CADM2: variants seen among roughly 807,000 people sequenced by gnomAD.
CADM2 encodes immunoglobulin superfamily member 4D.
A neutral mutation model predicts 49.8 loss-of-function variants in CADM2; 12 were observed. The observed-to-expected ratio is 0.24, with a 90% CI of 0.15 to 0.39. CADM2 has a LOEUF of 0.39. Among genes scored for constraint, CADM2 ranks in the 10% least tolerant of loss-of-function variants. CADM2 has a pLI of 1.00. For synonymous variants in CADM2, 214 were observed against 175.4 expected (o/e 1.22, Z -1.74); for missense variants, 378 against 492.3 (o/e 0.77, Z 2.20).
In CADM2 at chr3:85,780,465, A is replaced by T. The variant is rs184943131; in HGVS notation, c.89-21582A>T. 6.6e-4 allele frequency among the ~76,000 whole-genome samples: 101 copies of T among 152,332 alleles called. No individual in the cohort carries two copies. In the East Asian group the frequency reaches 7.9e-3, roughly 12 times the overall value. ...ATTGATACTAACTTATATGTCATAA[A>T]CAATAAAACAAGAAAAAGATTTAAA... On this transcript the variant is annotated intron_variant, in intron 2 of 9. Coordinates refer to ENST00000383699, the MANE Select transcript of CADM2 (RefSeq NM_001167675.2).
intron 1 of CADM2, among the ~76,000 whole-genome samples, chr3:85,354,627 A>AGAGAGAGAGAGAGAGAGAGAGAGC (rs1467922440): frequency 6.6e-6 from 1 of 151,200 alleles, no homozygotes; most frequent in Non-Finnish European, 1.5e-5. Flanking sequence ...ACAGAGAGAG[A>AGAGAGAGAGAGAGAGAGAGAGAGC]GAGAGAGAGA....
chr3:85,205,956 CAAAT>C (rs1247419660), intron 1 of CADM2, among the ~76,000 whole-genome samples: 1 of 151,972 alleles, frequency 6.6e-6, no homozygotes, highest in Admixed American at 6.6e-5. Flanking sequence ...CAAAAGCAAA[CAAAT>C]GAACATTAAG....
intron 5 of CADM2, among the ~76,000 whole-genome samples, chr3:85,896,201 A>G (rs1715194182): frequency 6.6e-6 from 1 of 152,144 alleles, no homozygotes; most frequent in African/African-American, 2.4e-5. Context: ...TTGGAAGATC[A>G]TTTGAATCTG....
intron 2 of CADM2, among the ~76,000 whole-genome samples, chr3:85,737,430 G>T (rs975300708): frequency 6.6e-6 from 1 of 152,132 alleles, no homozygotes; most frequent in African/African-American, 2.4e-5. Context: ...GAACAGGGCA[G>T]ATGAAAAGTT....
intron 3 of CADM2, among the ~76,000 whole-genome samples, chr3:85,871,647 A>G (rs2075932797): frequency 6.6e-6 from 1 of 152,132 alleles, no homozygotes; most frequent in African/African-American, 2.4e-5. Context: ...CTATATAAAC[A>G]CTTAGCAAAT....
At chr3:85,541,746 T>TATA (rs1553739241) in intron 1 of CADM2, among the ~76,000 whole-genome samples, 7 of 27,772 alleles carry the variant, frequency 2.5e-4, no homozygotes, top group African/African-American at 2.6e-4. Context: ...TATATATATT[T>TATA]TATATATTTT....
chr3:85,465,227 G>A (rs903755509), intron 1 of CADM2, among the ~76,000 whole-genome samples: 1 of 152,028 alleles, frequency 6.6e-6, no homozygotes, highest in African/African-American at 2.4e-5. Flanking sequence ...TAATCATAAG[G>A]CAATATTAAC....
At chr3:85,440,102 CTT>C (rs2037130138) in intron 1 of CADM2, among the ~76,000 whole-genome samples, 1 of 152,112 alleles carries the variant, frequency 6.6e-6, no homozygotes, top group African/African-American at 2.4e-5. Flanking sequence ...TTTTCTATGG[CTT>C]TTTCAGATGA....
At chr3:85,596,931 G>T (rs958343761) in intron 1 of CADM2, among the ~76,000 whole-genome samples, 3 of 152,016 alleles carry the variant, frequency 2.0e-5, no homozygotes, top group African/African-American at 7.2e-5. Context: ...TGGCCAGGCT[G>T]GTCTCAAACT....
intron 1 of CADM2, among the ~76,000 whole-genome samples, chr3:85,152,993 C>A (rs1467754941): frequency 6.6e-6 from 1 of 151,040 alleles, no homozygotes; most frequent in African/African-American, 2.4e-5. Context: ...AAAAAAAAAT[C>A]TTTCAATTGG....
intron 6 of CADM2, among the ~76,000 whole-genome samples, chr3:85,923,342 G>C (rs9831465): frequency 0.17 from 25,842 of 151,950 alleles, 2,239 homozygotes; most frequent in East Asian, 0.2. Context: ...TTTTGAGCTT[G>C]ATAGAATTTA....
At chr3:84,980,737 T>G (rs2032125059) in intron 1 of CADM2, among the ~76,000 whole-genome samples, 3 of 152,162 alleles carry the variant, frequency 2.0e-5, no homozygotes. Context: ...GAGCTTAAGG[T>G]GTTTCACCTT....
chr3:85,505,037 C>A (rs940587204), intron 1 of CADM2, among the ~76,000 whole-genome samples: 1 of 152,132 alleles, frequency 6.6e-6, no homozygotes, highest in Non-Finnish European at 1.5e-5. Context: ...CGCGCAGCCC[C>A]GGTTCCCGCT....
intron 1 of CADM2, among the ~76,000 whole-genome samples, chr3:85,012,328 T>C (rs1255158252): frequency 6.6e-6 from 1 of 151,614 alleles, no homozygotes; most frequent in African/African-American, 2.4e-5. Flanking sequence ...CTTTTTTTTT[T>C]TTTCCTTAGC....
chr3:85,624,145 T>G (rs2064055332), intron 1 of CADM2, among the ~76,000 whole-genome samples: 1 of 152,172 alleles, frequency 6.6e-6, no homozygotes, highest in African/African-American at 2.4e-5. Flanking sequence ...AGAATCATTT[T>G]GTAACAGATA....
intron 1 of CADM2, among the ~76,000 whole-genome samples, chr3:85,470,033 T>C (rs571818856): frequency 4.6e-5 from 7 of 152,314 alleles, no homozygotes; most frequent in Admixed American, 2.6e-4. Flanking sequence ...TCCTCAATAC[T>C]GGAGAGTGGT....
At chr3:85,456,947 A>G (rs1400901811) in intron 1 of CADM2, among the ~76,000 whole-genome samples, 1 of 151,996 alleles carries the variant, frequency 6.6e-6, no homozygotes, top group African/African-American at 2.4e-5. Flanking sequence ...ACAGTTGATA[A>G]AGTAGTATAG....
intron 1 of CADM2, among the ~76,000 whole-genome samples, chr3:85,338,260 C>T (rs2045144764): frequency 6.6e-6 from 1 of 151,606 alleles, no homozygotes; most frequent in African/African-American, 2.4e-5. Flanking sequence ...GAGTCTAGTG[C>T]TCAATACACA....
Position 85,155,814 on chromosome 3 carries a change from A to G in CADM2, c.61+196146A>G, listed in dbSNP as rs140578175. 3.1e-3 allele frequency among the ~76,000 whole-genome samples: 479 copies of G among 152,360 alleles called. 1 individual carries two copies. In the Middle Eastern group the frequency reaches 0.034, roughly 11 times the overall value. Reference sequence around the variant, plus strand: ...CTCAAAACTGCTCAACTACATGGTAATTGAACAACCTGCTCCTGAATGACT... The same window carrying G: ...CTCAAAACTGCTCAACTACATGGTAGTTGAACAACCTGCTCCTGAATGACT... On this transcript the variant is annotated intron_variant, in intron 1 of 9. Transcript: ENST00000383699.
Sources: gnomAD v4.1 joint callset for allele counts (sites outside exome capture counted in the v4.1 genomes callset) on GRCh38, gnomAD v4.1.1 for gene constraint, MANE v1.5 for transcripts, NCBI Gene and HGNC (gene_info 2026-07-23, HGNC 2026-07-21) for gene names.